The following ADGRL3 variants were observed in gnomAD, a reference collection of about 807,000 sequenced individuals.
ADGRL3 encodes calcium-independent alpha-latrotoxin receptor 3.
ADGRL3 carries 62 observed loss-of-function variants against 153.5 expected under a neutral mutation model. The ratio of observed to expected loss-of-function variants is 0.40; its 90% CI spans 0.33 to 0.50. ADGRL3 has a LOEUF of 0.50. Among genes scored for constraint, ADGRL3 ranks in the 20% least tolerant of loss-of-function variants. The pLI is 0.47. For missense variants in ADGRL3, 1,641 were observed against 1,859.4 expected (o/e 0.88, Z 2.16); for synonymous variants, 710 against 672.5 (o/e 1.06, Z -0.86).
rs189340940 is a variant in ADGRL3, at chr4:61,359,055, T to C, written c.-239-24069T>C. 1.9e-3 allele frequency among the ~76,000 whole-genome samples: 288 copies of C among 152,288 alleles called. 2 individuals carry two copies. Among genetic ancestry groups the C allele is most frequent in the African/African-American group, 6.6e-3 (276 of 41,568 alleles). ...CAAAAATGACAACTCCTTTCTTTCA[T>C]TGGCAAAAGTCAAAAACATTGACTT... On this transcript the variant is annotated intron_variant, in intron 1 of 26. Coordinates refer to ENST00000683033, the MANE Select transcript of ADGRL3 (RefSeq NM_001387552.1).
At chr4:61,860,011 A>G (rs1269880831) in intron 9 of ADGRL3, among the ~76,000 whole-genome samples, 3 of 152,166 alleles carry the variant, frequency 2.0e-5, no homozygotes, top group African/African-American at 7.2e-5. Flanking sequence ...CAAAATAAAA[A>G]TCCTTATACT....
chr4:61,994,886 T>A (rs1332081650), intron 19 of ADGRL3, among the ~76,000 whole-genome samples: 2 of 151,864 alleles, frequency 1.3e-5, no homozygotes, highest in Admixed American at 6.6e-5. Flanking sequence ...TTAGATTCTG[T>A]CCCGTACTTT....
At chr4:61,671,412 C>A (rs1483278668) in intron 5 of ADGRL3, among the ~76,000 whole-genome samples, 1 of 152,064 alleles carries the variant, frequency 6.6e-6, no homozygotes, top group Non-Finnish European at 1.5e-5. Context: ...AACAATATTG[C>A]TTTAAAATTA....
chr4:61,752,061 A>G (rs1344417439), intron 8 of ADGRL3, among the ~76,000 whole-genome samples: 1 of 152,134 alleles, frequency 6.6e-6, no homozygotes, highest in African/African-American at 2.4e-5. Context: ...AGGAGTGCTT[A>G]TATACTGCTG....
intron 18 of ADGRL3, among the ~76,000 whole-genome samples, chr4:61,981,839 T>C (rs2099069499): frequency 6.6e-6 from 1 of 152,180 alleles, no homozygotes; most frequent in Non-Finnish European, 1.5e-5. Context: ...AAAAATGCAG[T>C]TGGATTCATG....
At chr4:61,319,003 G>T (rs6551621) in intron 1 of ADGRL3, among the ~76,000 whole-genome samples, 104,943 of 151,938 alleles carry the variant, frequency 0.69, 36,627 homozygotes, top group East Asian at 0.96. Context: ...TTATGCCCAA[G>T]TTAGTGAAAA....
chr4:61,274,113 A>G (rs1323841562), intron 1 of ADGRL3, among the ~76,000 whole-genome samples: 1 of 152,224 alleles, frequency 6.6e-6, no homozygotes, highest in African/African-American at 2.4e-5. Flanking sequence ...GCAATATCAG[A>G]GGAAGAAGCT....
chr4:62,012,121 G>T (rs1256324684), intron 21 of ADGRL3, among the ~76,000 whole-genome samples: 2 of 151,984 alleles, frequency 1.3e-5, no homozygotes, highest in African/African-American at 4.8e-5. Context: ...AAAGACTTTG[G>T]GCCTCCAAAT....
chr4:61,733,399 A>T lies in ADGRL3; in HGVS notation c.1244A>T (p.Gln415Leu). The change falls in exon 8 of 27, where the codon CAA becomes CTA. Residue 415 changes from glutamine to leucine, a missense_variant. By Grantham distance (113) the Gln-to-Leu change is moderately radical. Transcript: ENST00000683033. ...NKIDYIYNTD[Q>L]SKDSLVDVPF... ...ATTGACTACATTTACAACACTGACC[A>T]AAGCAAGGATAGTTTGGTGGATGTA... 1 of 1,613,800 alleles carries T rather than the reference A, an allele frequency of 6.2e-7. No homozygotes were observed. Among genetic ancestry groups the T allele is most frequent in the Non-Finnish European group, 8.5e-7 (1 of 1,179,820 alleles).
chr4:61,280,910 CAAGA>C (rs2093696494), intron 1 of ADGRL3, among the ~76,000 whole-genome samples: 2 of 151,942 alleles, frequency 1.3e-5, no homozygotes. Flanking sequence ...TTTTATGGAA[CAAGA>C]AAGATGAATC....
intron 2 of ADGRL3, among the ~76,000 whole-genome samples, chr4:61,417,548 A>G (rs1283323640): frequency 6.6e-6 from 1 of 151,920 alleles, no homozygotes; most frequent in Non-Finnish European, 1.5e-5. Context: ...GTCCTTCGCC[A>G]TAGACAGTTT....
At chr4:61,711,457 A>ATTTT (rs1461538873) in intron 6 of ADGRL3, among the ~76,000 whole-genome samples, 3 of 43,864 alleles carry the variant, frequency 6.8e-5, no homozygotes, top group Non-Finnish European at 1.2e-4. Context: ...CATATGCTTC[A>ATTTT]TTATATATAT....
At chr4:61,589,283 T>C (rs2098959481) in intron 5 of ADGRL3, among the ~76,000 whole-genome samples, 1 of 152,114 alleles carries the variant, frequency 6.6e-6, no homozygotes, top group South Asian at 2.1e-4. Context: ...TTTTAACTGT[T>C]AAATGTACTA....
rs1232281939 is a variant in ADGRL3, at chr4:61,733,372, A to C, written c.1217A>C (p.Lys406Thr). Residue 406 changes from lysine (K) to threonine (T), a missense_variant, in exon 8 of 27, where the codon AAG becomes ACG. Lys to Thr is a moderately conservative substitution (Grantham distance 78, BLOSUM62 -1). Around this residue, in one of 5 missense-constraint regions of ADGRL3, gnomAD observed 734 missense variants for 797.0 expected, o/e 0.92. Transcript: ENST00000683033. ...GATGACAATGAGGCTACTGGAAATA[A>C]GATTGACTACATTTACAACACTGAC... The part of the protein sequence containing the change: ...EDDDNEATGN[K>T]IDYIYNTDQS... 6.2e-7 allele frequency: 1 copy of C among 1,613,812 alleles called. No homozygotes were observed.
At chr4:61,537,073 C>T (rs2098661168) in intron 4 of ADGRL3, among the ~76,000 whole-genome samples, 1 of 151,902 alleles carries the variant, frequency 6.6e-6, no homozygotes, top group African/African-American at 2.4e-5. Context: ...TAGAATGTGT[C>T]TAGTCGTGAA....
chr4:61,936,996 TA>T (rs1306801206), intron 15 of ADGRL3, among the ~76,000 whole-genome samples: 2 of 152,226 alleles, frequency 1.3e-5, no homozygotes, highest in African/African-American at 4.8e-5. Context: ...AAATGGTCTG[TA>T]AATGTTAGAA....
intron 1 of ADGRL3, among the ~76,000 whole-genome samples, chr4:61,310,400 A>G (rs2094953329): frequency 6.6e-6 from 1 of 152,032 alleles, no homozygotes; most frequent in African/African-American, 2.4e-5. Flanking sequence ...CTGACTTTAT[A>G]TAATGAGTGT....
chr4:61,635,763 G>A (rs2093395440), intron 5 of ADGRL3, among the ~76,000 whole-genome samples: 1 of 152,032 alleles, frequency 6.6e-6, no homozygotes, highest in African/African-American at 2.4e-5. Context: ...AGATCAAGTT[G>A]ATGACAGGGA....
chr4:61,855,778 T>C (rs1361279151), intron 9 of ADGRL3, among the ~76,000 whole-genome samples: 1 of 152,140 alleles, frequency 6.6e-6, no homozygotes, highest in Admixed American at 6.5e-5. Context: ...TTCTTTTTTT[T>C]TCAGCCACTA....
Sources: allele counts gnomAD v4.1 joint callset (sites outside exome capture counted in the v4.1 genomes callset), GRCh38; gene constraint gnomAD v4.1.1; regional missense constraint gnomAD v4.1.1; transcripts MANE v1.5; gene names NCBI Gene and HGNC (gene_info 2026-07-23, HGNC 2026-07-21).